Variants in ARHGAP44 observed in about 807,000 individuals in gnomAD.
ARHGAP44 encodes the protein Rho GTPase activating protein 44.
ARHGAP44 carries 43 observed loss-of-function variants against 106.8 expected under a neutral mutation model. The ratio of observed to expected loss-of-function variants is 0.40; its 90% confidence interval spans 0.32 to 0.52. The LOEUF is 0.52. Ranked by LOEUF, ARHGAP44 falls within the 20% of genes least tolerant of loss-of-function variation. The probability of loss-of-function intolerance (pLI) is 0.48; values close to 1 mark genes in which losing one functional copy is unlikely to be tolerated. For missense variants in ARHGAP44, 866 were observed against 1,050.5 expected, an observed-to-expected ratio of 0.82 and a Z score of 2.43; for synonymous variants, 439 against 410.3, an observed-to-expected ratio of 1.07 and a Z score of -0.85.
intron 14 of ARHGAP44, 104 bp downstream of exon 14, chr17:12,956,084 ATTT>A: frequency 1.3e-6 from 1 of 761,788 alleles, no homozygotes; most frequent in Non-Finnish European, 2.2e-6. Context: ...AGCCTCATGT[ATTT>A]TCCAAACCCT....
At chr17:12,896,029 C>T (rs967751236) in intron 2 of ARHGAP44, among the ~76,000 whole-genome samples, 16 of 147,838 alleles carry the variant, frequency 1.1e-4, no homozygotes, top group African/African-American at 4.0e-4. Flanking sequence ...CACATGTTCT[C>T]ACTCATAGGT....
intron 1 of ARHGAP44, among the ~76,000 whole-genome samples, chr17:12,847,041 C>T (rs190158700): frequency 8.5e-5 from 13 of 152,292 alleles, no homozygotes; most frequent in Admixed American, 2.6e-4. Flanking sequence ...ACTGTGTTTC[C>T]ACCTCTTCTG....
chr17:12,835,055 C>G (rs753612431), intron 1 of ARHGAP44, among the ~76,000 whole-genome samples: 1 of 152,064 alleles, frequency 6.6e-6, no homozygotes, highest in Admixed American at 6.6e-5. Context: ...TTAATTCATC[C>G]GAATAATCTT....
Position 12,991,304 on chromosome 17 carries a change from G to A in ARHGAP44, c.*1133G>A, listed in dbSNP as rs2040136710. 6.6e-6 allele frequency: 1 copy of A among 152,658 alleles called. No individual in the cohort carries two copies. Among genetic ancestry groups the A allele is most frequent in the Non-Finnish European group, 1.5e-5 (1 of 68,052 alleles). The allele number at this position is 152,658 out of a possible 1,614,324, so 9.5% of individuals were successfully genotyped here. A position where few individuals can be genotyped will look rare whatever the true frequency, so the allele number is the denominator to read the frequency against. On this transcript the variant is annotated 3_prime_UTR_variant, in exon 21 of 21. Transcript: ENST00000379672. ...AAAATTTTATCCTTTTCAAATAGAT[G>A]ATATAATATACCTATACATGATATA...
chr17:12,838,830 C>T (rs949408367), intron 1 of ARHGAP44, among the ~76,000 whole-genome samples: 2 of 151,772 alleles, frequency 1.3e-5, no homozygotes, highest in African/African-American at 4.8e-5. Context: ...CACCACCATG[C>T]GTGGCTAATT....
At chr17:12,927,909 A>G (rs1164534504) in intron 6 of ARHGAP44, among the ~76,000 whole-genome samples, 1 of 152,200 alleles carries the variant, frequency 6.6e-6, no homozygotes, top group Non-Finnish European at 1.5e-5. Context: ...AGTTTTTAAG[A>G]TAATGGCCCA....
intron 1 of ARHGAP44, among the ~76,000 whole-genome samples, chr17:12,791,665 C>T (rs1262904207): frequency 6.6e-6 from 1 of 152,148 alleles, no homozygotes; most frequent in Non-Finnish European, 1.5e-5. Context: ...TTTTCAGCCT[C>T]ATCCATGGGG....
chr17:12,806,107 C>G (rs1228617766), intron 1 of ARHGAP44, among the ~76,000 whole-genome samples: 2 of 152,142 alleles, frequency 1.3e-5, no homozygotes, highest in African/African-American at 4.8e-5. Context: ...CTGCTGTGTT[C>G]TAAGTCCTCT....
chr17:12,965,295 G>A (rs1478032390), intron 16 of ARHGAP44, among the ~76,000 whole-genome samples: 1 of 152,266 alleles, frequency 6.6e-6, no homozygotes, highest in Non-Finnish European at 1.5e-5. Context: ...TTGCTCCACC[G>A]TGGTCTGATC....
Position 12,928,996 on chromosome 17 carries a change from G to A in ARHGAP44, c.532G>A (p.Ala178Thr). 1 of 1,613,554 alleles carries A rather than the reference G, an allele frequency of 6.2e-7. No individual in the cohort carries two copies. Among genetic ancestry groups the A allele is most frequent in the Non-Finnish European group, 8.5e-7 (1 of 1,179,722 alleles). The change falls in exon 7 of 21, where the codon GCC becomes ACC. Residue 178 changes from alanine to threonine, a missense_variant. Physicochemically the swap from Ala to Thr is moderately conservative, Grantham distance 58. Coordinates refer to ENST00000379672, the MANE Select transcript of ARHGAP44 (RefSeq NM_014859.6). ...SLQPAGAKADALREEMEEAAN... is the reference protein window; with the variant it reads ...SLQPAGAKADTLREEMEEAAN... ...ACAGCCTGCGGGTGCCAAGGCTGAT[G>A]CCCTCAGGGAAGAAATGGAAGAGGC...
At chr17:12,972,924 G>C in intron 16 of ARHGAP44, 1 of 171,280 alleles carries the variant, frequency 5.8e-6, no homozygotes, top group Non-Finnish European at 1.2e-5. Flanking sequence ...GCCTCCCAAA[G>C]TGCTGGGATT....
At chr17:12,862,635 T>C (rs2036119198) in intron 1 of ARHGAP44, among the ~76,000 whole-genome samples, 2 of 152,142 alleles carry the variant, frequency 1.3e-5, no homozygotes, top group African/African-American at 4.8e-5. Context: ...TACAGAGTGT[T>C]CTTGGTATCT....
In ARHGAP44 at chr17:12,933,540, A is replaced by G. The variant is rs75212323; in HGVS notation, c.582+4494A>G. 9.8e-5 allele frequency among the ~76,000 whole-genome samples: 15 copies of G among 152,326 alleles called. No individual in the cohort carries two copies. The East Asian group carries it at 2.9e-3, about 29-fold the overall frequency. On this transcript the variant is annotated intron_variant, in intron 7 of 20. Transcript: ENST00000379672. Reference sequence around the variant, plus strand: ...GATGAGACAAGCCCAACTCTTCACAAGTGGTACTTGCTTTCTCTTTTCTTC... The same window carrying G: ...GATGAGACAAGCCCAACTCTTCACAGGTGGTACTTGCTTTCTCTTTTCTTC...
intron 16 of ARHGAP44, 86 bp from the exon 17 acceptor site, chr17:12,973,216 A>G: frequency 7.2e-7 from 1 of 1,381,482 alleles, no homozygotes; most frequent in Non-Finnish European, 1.0e-6. Context: ...CCATGGAGAG[A>G]GACCCCTTAC....
At chr17:12,870,894 A>G (rs1325566465) in intron 1 of ARHGAP44, among the ~76,000 whole-genome samples, 1 of 152,172 alleles carries the variant, frequency 6.6e-6, no homozygotes, top group Non-Finnish European at 1.5e-5. Flanking sequence ...TTTAGTGAGC[A>G]TTAAGGAATG....
At chr17:12,928,183 T>G (rs1391305892) in intron 6 of ARHGAP44, among the ~76,000 whole-genome samples, 1 of 152,218 alleles carries the variant, frequency 6.6e-6, no homozygotes, top group Non-Finnish European at 1.5e-5. Context: ...ATCTAAATGT[T>G]GCCATAAAAA....
chr17:12,960,640 A>C (rs1465730467), intron 16 of ARHGAP44, among the ~76,000 whole-genome samples: 1 of 152,016 alleles, frequency 6.6e-6, no homozygotes, highest in Non-Finnish European at 1.5e-5. Flanking sequence ...GGCTCACTGC[A>C]ACCTCTGCAT....
chr17:12,816,746 C>T (rs908903413), intron 1 of ARHGAP44, among the ~76,000 whole-genome samples: 1 of 152,020 alleles, frequency 6.6e-6, no homozygotes, highest in African/African-American at 2.4e-5. Context: ...AGAATAGAGG[C>T]TCAAAATACA....
At chr17:12,866,083 A>G (rs2036232417) in intron 1 of ARHGAP44, among the ~76,000 whole-genome samples, 1 of 152,176 alleles carries the variant, frequency 6.6e-6, no homozygotes, top group African/African-American at 2.4e-5. Context: ...AAAAGTAAAC[A>G]TGTTCTAAAT....
Sources: allele counts gnomAD v4.1 joint callset (sites outside exome capture counted in the v4.1 genomes callset), GRCh38; gene constraint gnomAD v4.1.1; transcripts MANE v1.5; gene names NCBI Gene and HGNC (gene_info 2026-07-23, HGNC 2026-07-21).